The following DMD variants were observed in gnomAD, a reference collection of about 807,000 sequenced individuals.
DMD encodes dystrophin, also known as mutant dystrophin.
Under a neutral mutation model 330.1 loss-of-function variants are expected in DMD, and 63 were observed. The observed-to-expected ratio is 0.19, with a 90% CI of 0.16 to 0.24. DMD has a LOEUF of 0.24. DMD is among the 10% of genes least tolerant of loss of function. DMD has a pLI of 1.00. For missense variants in DMD, 3,344 were observed against 2,684.1 expected, an observed-to-expected ratio of 1.25 and a Z score of -5.43; for synonymous variants, 1,223 against 959.8, an observed-to-expected ratio of 1.27 and a Z score of -5.07.
At chrX:32,175,824 C>T (rs2096904671) in intron 44 of DMD, among the ~76,000 whole-genome samples, 3 of 111,300 alleles carry the variant, frequency 2.7e-5, no homozygotes, top group Admixed American at 9.6e-5. Flanking sequence ...CGTATGTAAA[C>T]AAAAAAAGTT....
At chrX:31,901,155 C>A in intron 47 of DMD, among the ~76,000 whole-genome samples, 1 of 111,693 alleles carries the variant, frequency 9.0e-6, no homozygotes, top group Middle Eastern at 4.6e-3. Flanking sequence ...AATCTACTGT[C>A]TTTAATGGGA....
intron 1 of DMD, among the ~76,000 whole-genome samples, chrX:33,121,207 A>C (rs1303319987): frequency 9.2e-6 from 1 of 108,143 alleles, no homozygotes; most frequent in Admixed American, 1.0e-4. Context: ...TTGAATTTTT[A>C]TAATTTTGAC....
chrX:32,849,422 CA>C (rs2080950054), intron 3 of DMD, among the ~76,000 whole-genome samples: 2 of 111,661 alleles, frequency 1.8e-5, no homozygotes, highest in Admixed American at 9.5e-5. Flanking sequence ...CACAAAAGTA[CA>C]AAGATAATTT....
intron 4 of DMD, among the ~76,000 whole-genome samples, chrX:32,831,732 C>A (rs773736661): frequency 9.6e-6 from 1 of 104,504 alleles, no homozygotes; most frequent in Admixed American, 1.0e-4. Flanking sequence ...GAGAAAAAGA[C>A]AGGTGACAAA....
At chrX:32,013,594 A>G (rs893911909) in intron 44 of DMD, among the ~76,000 whole-genome samples, 4 of 112,231 alleles carry the variant, frequency 3.6e-5, no homozygotes, top group African/African-American at 1.3e-4. Context: ...TAGGCAATGA[A>G]TATTTATTAA....
intron 1 of DMD, among the ~76,000 whole-genome samples, chrX:33,078,807 C>A (rs370483842): frequency 8.9e-6 from 1 of 111,778 alleles, no homozygotes; most frequent in Non-Finnish European, 1.9e-5. Context: ...TTTTACATAA[C>A]AATTATAATT....
chrX:31,995,737 G>A (rs528126374), intron 44 of DMD, among the ~76,000 whole-genome samples: 1 of 111,469 alleles, frequency 9.0e-6, no homozygotes, highest in Non-Finnish European at 1.9e-5. Context: ...TTTTTTGTGA[G>A]CACCACCACA....
At chrX:32,709,355 GAATGTAATA>G (rs1335640326) in intron 7 of DMD, among the ~76,000 whole-genome samples, 1 of 112,116 alleles carries the variant, frequency 8.9e-6, no homozygotes, top group Non-Finnish European at 1.9e-5. Flanking sequence ...TTATAAAAGA[GAATGTAATA>G]AATGATGTTA....
At chrX:32,073,043 C>A (rs1210860934) in intron 44 of DMD, among the ~76,000 whole-genome samples, 1 of 111,919 alleles carries the variant, frequency 8.9e-6, no homozygotes, top group African/African-American at 3.2e-5. Context: ...CAAAAATAAA[C>A]ACAAGGCCAG....
At chrX:32,645,890 G>A (rs73467363) in intron 9 of DMD, among the ~76,000 whole-genome samples, 6,964 of 111,838 alleles carry the variant, frequency 0.062, 526 homozygotes, top group African/African-American at 0.22. Context: ...CAAAGTGTAC[G>A]AAGCATCCAT....
intron 43 of DMD, among the ~76,000 whole-genome samples, chrX:32,221,321 T>G (rs1195782541): frequency 1.0e-5 from 1 of 96,202 alleles, no homozygotes; most frequent in Non-Finnish European, 2.1e-5. Context: ...GGACCTGAGC[T>G]CGTGTCTCAT....
intron 47 of DMD, among the ~76,000 whole-genome samples, chrX:31,914,823 T>C (rs901784228): frequency 8.0e-5 from 9 of 112,185 alleles, no homozygotes; most frequent in African/African-American, 2.9e-4. Context: ...CAGTATTCGA[T>C]AGCACAACAG....
At chrX:32,844,296 C>T (rs1483729100) in intron 4 of DMD, among the ~76,000 whole-genome samples, 1 of 108,758 alleles carries the variant, frequency 9.2e-6, no homozygotes, top group Non-Finnish European at 1.9e-5. Flanking sequence ...ATCCCAGCTA[C>T]TCGGGAGGCT....
chrX:33,203,177 A>G (rs2051376691), intron 1 of DMD, among the ~76,000 whole-genome samples: 1 of 111,982 alleles, frequency 8.9e-6, no homozygotes, highest in South Asian at 3.7e-4. Context: ...AAGCATCTAT[A>G]TTAACTAAAC....
At chrX:32,075,875 C>T (rs1234969737) in intron 44 of DMD, among the ~76,000 whole-genome samples, 1 of 106,733 alleles carries the variant, frequency 9.4e-6, no homozygotes, top group African/African-American at 3.4e-5. Flanking sequence ...ATGGTGAAAC[C>T]CCGTCTCCAC....
At chrX:32,291,050 G>A (rs1039522658) in intron 42 of DMD, among the ~76,000 whole-genome samples, 12 of 111,694 alleles carry the variant, frequency 1.1e-4, no homozygotes, top group African/African-American at 2.6e-4. Flanking sequence ...GGTAACAAGC[G>A]CAGTCATATT....
At chrX:33,155,507 G>A (rs1409357677) in intron 1 of DMD, among the ~76,000 whole-genome samples, 1 of 110,228 alleles carries the variant, frequency 9.1e-6, no homozygotes, top group East Asian at 2.9e-4. Context: ...ATAGAGATGG[G>A]GTTTCACCAT....
chrX:31,929,048 AAAAT>A (rs1169623517), intron 47 of DMD, among the ~76,000 whole-genome samples: 2 of 112,156 alleles, frequency 1.8e-5, no homozygotes, highest in African/African-American at 6.5e-5. Context: ...TGCTTTATAT[AAAAT>A]AAATATGTAT....
intron 51 of DMD, among the ~76,000 whole-genome samples, chrX:31,737,719 T>A (rs756614702): frequency 1.8e-5 from 2 of 110,857 alleles, no homozygotes; most frequent in East Asian, 2.9e-4. Flanking sequence ...ATAAAAAAAA[T>A]AATAATAATG....
Sources: gnomAD v4.1 joint callset for allele counts (sites outside exome capture counted in the v4.1 genomes callset) on GRCh38, gnomAD v4.1.1 for gene constraint, MANE v1.5 for transcripts, NCBI Gene and HGNC (gene_info 2026-07-23, HGNC 2026-07-21) for gene names.